Variants in AATF observed in about 807,000 individuals in gnomAD.
The protein encoded by AATF is protein AATF.
Under a neutral mutation model 63.7 loss-of-function variants are expected in AATF, and 48 were observed. The observed-to-expected ratio is 0.75, with a 90% CI of 0.60 to 0.96. The LOEUF (loss-of-function observed/expected upper bound fraction) is 0.96. Ranked by LOEUF, AATF falls within the 40% of genes least tolerant of loss-of-function variation. The pLI is 0.00. For synonymous variants in AATF, 258 were observed against 247.7 expected (o/e 1.04, Z -0.39); for missense variants, 639 against 685.7 (o/e 0.93, Z 0.76).
intron 9 of AATF, among the ~76,000 whole-genome samples, chr17:37,020,374 C>T (rs753145405): frequency 1.3e-5 from 2 of 151,272 alleles, no homozygotes; most frequent in Non-Finnish European, 2.9e-5. Flanking sequence ...TATAGCAACA[C>T]GTACTGAAAT....
chr17:37,009,198 C>A (rs1396871669), intron 8 of AATF, among the ~76,000 whole-genome samples: 1 of 151,954 alleles, frequency 6.6e-6, no homozygotes, highest in Non-Finnish European at 1.5e-5. Context: ...GTGGCGCGAT[C>A]TCGGCTCACT....
chr17:36,972,334 A>T (rs767672610), intron 4 of AATF, among the ~76,000 whole-genome samples: 1 of 152,216 alleles, frequency 6.6e-6, no homozygotes, highest in Non-Finnish European at 1.5e-5. Flanking sequence ...GATAAGTGAT[A>T]TAATGTGGTT....
chr17:37,036,778 A>G (rs2071595834), intron 11 of AATF, among the ~76,000 whole-genome samples: 4 of 152,172 alleles, frequency 2.6e-5, no homozygotes, highest in Admixed American at 2.0e-4. Context: ...GTGCTGGTCT[A>G]GTAGATCTTA....
chr17:36,998,364 G>T (rs567582097), intron 8 of AATF, among the ~76,000 whole-genome samples: 3 of 152,206 alleles, frequency 2.0e-5, no homozygotes, highest in Non-Finnish European at 4.4e-5. Context: ...CATGACTGTT[G>T]TAAGATTTAC....
rs754542104 is a variant in AATF, at chr17:37,049,974, TG to T, written c.1620-6625del. Among the ~76,000 whole-genome samples the T allele has an allele frequency of 3.3e-5, 5 of 152,254 alleles. No homozygotes were observed. The East Asian group carries it at 7.7e-4, about 24-fold the overall frequency. ...CTGCGGGTTCTGGAGACCTTGCTTT[TG>T]GAGCTTTGGCAAATGGAGGGCTCAT... is the stretch of plus-strand genomic sequence containing the variant. On this transcript the variant is annotated intron_variant, in intron 11 of 11. Coordinates refer to ENST00000619387, the MANE Select transcript of AATF (RefSeq NM_012138.4).
intron 4 of AATF, among the ~76,000 whole-genome samples, chr17:36,982,710 A>C (rs76830261): frequency 0.013 from 1,905 of 152,232 alleles, 35 homozygotes; most frequent in African/African-American, 0.043. Context: ...AATATACATG[A>C]CATAAAGCTT....
chr17:37,018,955 G>C, intron 8 of AATF, 50 bp from the exon 9 acceptor site: 1 of 1,497,290 alleles, frequency 6.7e-7, no homozygotes, highest in Non-Finnish European at 9.3e-7. Context: ...TTTAAAGTCA[G>C]TTGTACTGGA....
At chr17:37,031,910 T>A (rs1199965028) in intron 11 of AATF, among the ~76,000 whole-genome samples, 2 of 152,214 alleles carry the variant, frequency 1.3e-5, no homozygotes, top group Non-Finnish European at 2.9e-5. Flanking sequence ...TTTCCTGTTT[T>A]GTTTTGAACT....
chr17:37,053,852 G>A (rs959432543), intron 11 of AATF, among the ~76,000 whole-genome samples: 5 of 152,058 alleles, frequency 3.3e-5, no homozygotes, highest in African/African-American at 4.8e-5. Context: ...GCGACAGAGC[G>A]AGACTCCATC....
chr17:36,953,358 ATTTG>A, intron 3 of AATF, 62 bp downstream of exon 3: 2 of 1,562,334 alleles, frequency 1.3e-6, no homozygotes, highest in South Asian at 1.2e-5. Flanking sequence ...TCTACTTTTC[ATTTG>A]TTTGTTTTTG....
chr17:37,029,925 A>G (rs1597732828), intron 10 of AATF, among the ~76,000 whole-genome samples: 1 of 148,968 alleles, frequency 6.7e-6, no homozygotes, highest in African/African-American at 2.5e-5. Context: ...CTGGTCTTGA[A>G]CTCCTGGGCT....
chr17:36,983,387 G>A (rs990251112), intron 4 of AATF, among the ~76,000 whole-genome samples: 6 of 151,532 alleles, frequency 4.0e-5, no homozygotes, highest in African/African-American at 9.7e-5. Flanking sequence ...TCACTCTGTC[G>A]CCCAGACTGG....
At chr17:37,055,544 TA>T (rs1274616793) in intron 11 of AATF, 1 of 152,228 alleles carries the variant, frequency 6.6e-6, no homozygotes, top group Non-Finnish European at 1.5e-5. Context: ...AGAGCACTTT[TA>T]AAACAAGACG....
At chr17:36,960,022 T>C (rs551830628) in intron 4 of AATF, among the ~76,000 whole-genome samples, 5 of 150,704 alleles carry the variant, frequency 3.3e-5, no homozygotes, top group South Asian at 2.1e-4. Context: ...TAAAATTTTT[T>C]TCCCCCCCCG....
intron 4 of AATF, 48 bp downstream of exon 4, chr17:36,953,955 A>T: frequency 6.3e-7 from 1 of 1,586,808 alleles, no homozygotes; most frequent in African/African-American, 1.4e-5. Flanking sequence ...ACTTTGTCAA[A>T]TGAAGACAGC....
chr17:37,037,460 T>G (rs1432250283), intron 11 of AATF, among the ~76,000 whole-genome samples: 1 of 152,222 alleles, frequency 6.6e-6, no homozygotes, highest in African/African-American at 2.4e-5. Context: ...GTCAGTACTT[T>G]ACTTGCATGA....
intron 8 of AATF, among the ~76,000 whole-genome samples, chr17:36,996,992 T>C (rs2071259622): frequency 6.6e-6 from 1 of 152,176 alleles, no homozygotes; most frequent in Admixed American, 6.5e-5. Flanking sequence ...CTTAGAAGTG[T>C]TGAAGAAACT....
intron 10 of AATF, 39 bp downstream of exon 10, chr17:37,021,053 A>T: frequency 6.9e-7 from 1 of 1,453,618 alleles, no homozygotes; most frequent in Non-Finnish European, 9.5e-7. Flanking sequence ...CATATATTGT[A>T]TATGTATCTC....
At chr17:36,975,956 C>G (rs1179933185) in intron 4 of AATF, among the ~76,000 whole-genome samples, 1 of 152,164 alleles carries the variant, frequency 6.6e-6, no homozygotes, top group African/African-American at 2.4e-5. Flanking sequence ...TAACATTCTT[C>G]TTTCAAATTC....
Sources: allele counts gnomAD v4.1 joint callset (sites outside exome capture counted in the v4.1 genomes callset), GRCh38; gene constraint gnomAD v4.1.1; transcripts MANE v1.5; gene names NCBI Gene and HGNC (gene_info 2026-07-23, HGNC 2026-07-21).